ZFYVE9: variants seen among roughly 807,000 people sequenced by gnomAD.
The protein encoded by ZFYVE9 is zinc finger FYVE domain-containing protein 9.
A neutral mutation model predicts 126.7 loss-of-function variants in ZFYVE9; 43 were observed. The ratio of observed to expected loss-of-function variants is 0.34; its 90% CI spans 0.27 to 0.44. The LOEUF is 0.44. ZFYVE9 is among the 20% of genes least tolerant of loss of function. The pLI is 1.00. For synonymous variants in ZFYVE9, 521 were observed against 597.4 expected, an observed-to-expected ratio of 0.87 and a Z score of 1.87; for missense variants, 1,476 against 1,697.0, an observed-to-expected ratio of 0.87 and a Z score of 2.29.
At chr1:52,194,807 A>C (rs1644846167) in intron 1 of ZFYVE9, among the ~76,000 whole-genome samples, 1 of 152,184 alleles carries the variant, frequency 6.6e-6, no homozygotes, top group African/African-American at 2.4e-5. Context: ...AAAACATGGA[A>C]GCAATCTAAA....
intron 13 of ZFYVE9, among the ~76,000 whole-genome samples, chr1:52,324,049 G>A (rs1646266790): frequency 2.0e-5 from 3 of 149,376 alleles, no homozygotes; most frequent in Admixed American, 2.0e-4. Flanking sequence ...ACAAGAGCAA[G>A]ACTCAGTCTC....
intron 2 of ZFYVE9, among the ~76,000 whole-genome samples, chr1:52,224,604 A>T (rs1325101608): frequency 6.6e-6 from 1 of 152,174 alleles, no homozygotes; most frequent in African/African-American, 2.4e-5. Flanking sequence ...ACTCTGGCCA[A>T]AAGACTGAAG....
intron 1 of ZFYVE9, among the ~76,000 whole-genome samples, chr1:52,151,481 C>T (rs1644355741): frequency 6.6e-6 from 1 of 151,390 alleles, no homozygotes; most frequent in Non-Finnish European, 1.5e-5. Context: ...TCCTGTGAAT[C>T]TTGTCCTGTG....
rs140648719 is a variant in ZFYVE9 at position 52,293,529 on chromosome 1, A to G, written c.3102A>G (p.Leu1034=). 2.4e-5 allele frequency: 39 copies of G among 1,613,952 alleles called. No individual in the cohort carries two copies. The highest frequency in any genetic ancestry group is 3.2e-5 in the Non-Finnish European group (38 of 1,180,022). The change falls in exon 11 of 19, where the codon TTA becomes TTG. Residue 1034 remains leucine (L), a synonymous_variant. Coordinates refer to ENST00000287727, the MANE Select transcript of ZFYVE9 (RefSeq NM_004799.4). Reference sequence around the variant, plus strand: ...GCAGTAAAGAACATGGTGGATTCTTATATGTGACATCTACCTACCAGTCAC... The same window carrying G: ...GCAGTAAAGAACATGGTGGATTCTTGTATGTGACATCTACCTACCAGTCAC... The part of the protein sequence containing the change: ...FLGSKEHGGF[L]YVTSTYQSLQ...
chr1:52,269,079 C>T (rs1645662090), intron 7 of ZFYVE9, among the ~76,000 whole-genome samples: 1 of 152,150 alleles, frequency 6.6e-6, no homozygotes, highest in South Asian at 2.1e-4. Flanking sequence ...ACTTGTTGAA[C>T]CTACACTGAC....
chr1:52,182,118 G>A (rs1644714681), intron 1 of ZFYVE9, among the ~76,000 whole-genome samples: 1 of 150,778 alleles, frequency 6.6e-6, no homozygotes, highest in Non-Finnish European at 1.5e-5. Flanking sequence ...CCCCGTCCAG[G>A]AGAGAGGTGG....
chr1:52,334,825 G>A (rs1646374847), intron 15 of ZFYVE9, 57 bp downstream of exon 15: 12 of 1,520,524 alleles, frequency 7.9e-6, no homozygotes, highest in Non-Finnish European at 1.1e-5. Context: ...TACATAAAGG[G>A]AATCCTTTAC....
intron 9 of ZFYVE9, among the ~76,000 whole-genome samples, chr1:52,279,444 A>G (rs1645780554): frequency 1.3e-5 from 2 of 152,186 alleles, no homozygotes; most frequent in South Asian, 4.1e-4. Context: ...CATCATGGGC[A>G]TCAGGATGAG....
intron 1 of ZFYVE9, among the ~76,000 whole-genome samples, chr1:52,186,615 A>C (rs903800537): frequency 1.3e-5 from 2 of 152,214 alleles, no homozygotes; most frequent in Non-Finnish European, 2.9e-5. Flanking sequence ...GCTTCAGCAA[A>C]GTTTCAGGAT....
chr1:52,218,822 T>C (rs1281309285), intron 2 of ZFYVE9, among the ~76,000 whole-genome samples: 2 of 151,756 alleles, frequency 1.3e-5, no homozygotes, highest in East Asian at 3.9e-4. Context: ...TGGGGGGAGA[T>C]GGAGGAGGAG....
At chr1:52,263,938 CT>C (rs924937985) in intron 5 of ZFYVE9, 66 bp downstream of exon 5, 121 of 1,050,620 alleles carry the variant, frequency 1.2e-4, no homozygotes, top group South Asian at 1.0e-3. Context: ...GATGAGAAGA[CT>C]TTTTTCCCCC....
At chr1:52,320,784 G>A (rs1304445352) in intron 13 of ZFYVE9, among the ~76,000 whole-genome samples, 2 of 152,132 alleles carry the variant, frequency 1.3e-5, no homozygotes, top group Non-Finnish European at 2.9e-5. Flanking sequence ...GATTGCAAGT[G>A]CCTTTTTATG....
At chr1:52,269,926 T>A (rs896375836) in intron 7 of ZFYVE9, among the ~76,000 whole-genome samples, 1 of 152,122 alleles carries the variant, frequency 6.6e-6, no homozygotes, top group Non-Finnish European at 1.5e-5. Context: ...TAGCTGGGAC[T>A]GTAGGCAAGC....
At chr1:52,255,913 CTTTTCTTTT>C (rs1557483955) in intron 4 of ZFYVE9, among the ~76,000 whole-genome samples, 7 of 62,030 alleles carry the variant, frequency 1.1e-4, no homozygotes, top group African/African-American at 7.7e-4. Flanking sequence ...CTTTTCTTTT[CTTTTCTTTT>C]CTTTTCTTTT....
rs780458326 is a variant in ZFYVE9 at position 52,233,205 on chromosome 1, C to A, written c.-2C>A. 2 of 1,572,026 alleles carry A rather than the reference C, an allele frequency of 1.3e-6. No individual in the cohort carries two copies. The highest frequency in any genetic ancestry group is 1.7e-6 in the Non-Finnish European group (2 of 1,156,002). On this transcript the variant is annotated 5_prime_UTR_variant, in exon 3 of 19. Transcript: ENST00000287727. ...AGTCTCTTAAGTGGTGTTTCCTCAC[C>A]GATGGAGAATTACTTCCAAGCAGAA...
chr1:52,198,112 TTTTTTTTGTTTG>T (rs1324578653), intron 1 of ZFYVE9, among the ~76,000 whole-genome samples: 4 of 39,246 alleles, frequency 1.0e-4, no homozygotes, highest in Non-Finnish European at 2.1e-4. Context: ...ATTGTAGTGT[TTTTTTTTGTTTG>T]TTTTTTTTTT....
chr1:52,252,742 G>T (rs908866586), intron 4 of ZFYVE9: 32 of 468,042 alleles, frequency 6.8e-5, no homozygotes, highest in Admixed American at 6.6e-4. Context: ...AGCAGCAATG[G>T]TCAGTCCGAC....
chr1:52,307,792 C>G (rs1646099434), intron 13 of ZFYVE9, among the ~76,000 whole-genome samples: 1 of 151,354 alleles, frequency 6.6e-6, no homozygotes, highest in Admixed American at 6.6e-5. Flanking sequence ...TGCTCCGCCA[C>G]CCAGGCTGGA....
Position 52,142,122 on chromosome 1 carries a change from C to T in ZFYVE9, c.-424C>T, listed in dbSNP as rs1336784438. The T allele has an allele frequency of 6.6e-6, 1 of 151,332 alleles. No individual in the cohort carries two copies. The highest frequency in any genetic ancestry group is 6.6e-5 in the Admixed American group (1 of 15,186). The allele number at this position is 151,332 out of a possible 1,614,324, so 9.4% of individuals were successfully genotyped here. ...CTGGAGGCTTCGCTGAGGATCCCCG[C>T]CTGCCGCACCTCGGTCGTCCCGCCG... On this transcript the variant is annotated 5_prime_UTR_variant, in exon 1 of 19. Transcript: ENST00000287727. This position sits in a 1 kb window ranked among gnomAD's most constrained non-coding sequence, Gnocchi z 4.5.
Sources: allele counts gnomAD v4.1 joint callset (sites outside exome capture counted in the v4.1 genomes callset), GRCh38; gene constraint gnomAD v4.1.1; non-coding constraint Gnocchi (gnomAD v3.1); transcripts MANE v1.5; gene names NCBI Gene and HGNC (gene_info 2026-07-23, HGNC 2026-07-21).